Variants in WNT10B observed in about 807,000 individuals in gnomAD.
The protein encoded by WNT10B is protein Wnt-10b.
Under a neutral mutation model 32.7 loss-of-function variants are expected in WNT10B, and 26 were observed. That is an observed-to-expected ratio of 0.79 (90% CI 0.58 to 1.10). The LOEUF (loss-of-function observed/expected upper bound fraction) is 1.10, where lower values mean the gene tolerates loss of function less well. WNT10B is among the 50% of genes least tolerant of loss of function. The pLI is 0.00. For synonymous variants in WNT10B, 204 were observed against 220.4 expected (o/e 0.93, Z 0.66); for missense variants, 474 against 532.5 (o/e 0.89, Z 1.08).
rs747166206 is a variant in WNT10B at position 48,970,399 on chromosome 12, C to G, written c.75-48G>C. On this transcript the variant is annotated intron_variant, in intron 2 of 4. Transcript: ENST00000301061. This position sits in a 1 kb window ranked among gnomAD's most constrained non-coding sequence, Gnocchi z 5.0. ...GGGTCTGCGGTCCAGACCCCTCCAA[C>G]TCTCCCCACCCCGGGTCGGTGTTTC... 6.2e-7 allele frequency: 1 copy of G among 1,614,030 alleles called. No homozygotes were observed. Among genetic ancestry groups the G allele is most frequent in the Non-Finnish European group, 8.5e-7 (1 of 1,179,946 alleles).
Position 48,970,751 on chromosome 12 carries a change from TAAAG to T in WNT10B, c.-40-186_-40-183del. 1.6e-6 allele frequency: 1 copy of T among 608,552 alleles called. No individual in the cohort carries two copies. Among genetic ancestry groups the T allele is most frequent in the Non-Finnish European group, 2.9e-6 (1 of 344,596 alleles). The allele number at this position is 608,552 out of a possible 1,614,324, so 37.7% of individuals were successfully genotyped here. ...CAGAGTCCCTGAGGCTTGGAGGTCT[TAAAG>T]AAGAAGAGTCAAGGCGTTGTCCCAG... On this transcript the variant is annotated intron_variant, in intron 1 of 4. Transcript: ENST00000301061. The surrounding 1 kb of genome is among the most constrained non-coding windows in gnomAD (Gnocchi z 5.0).
intron 3 of WNT10B, chr12:48,969,039 T>G: frequency 2.1e-6 from 1 of 468,634 alleles, no homozygotes; most frequent in Non-Finnish European, 4.4e-6. Flanking sequence ...GGTTGGCTTC[T>G]TTGTTATGTT....
chr12:48,970,037 C>A lies in WNT10B; in HGVS notation c.337+52G>T, dbSNP rs1940817689. On this transcript the variant is annotated intron_variant, in intron 3 of 4. Transcript: ENST00000301061. The surrounding 1 kb of genome is among the most constrained non-coding windows in gnomAD (Gnocchi z 5.0). ...TCCCGCCTCCGCGCGCCTCGCCCTG[C>A]CGCCCACCCCCTAGCCTCCGCGGCA... 2.1e-6 allele frequency: 3 copies of A among 1,398,118 alleles called. No individual in the cohort carries two copies. The highest frequency in any genetic ancestry group is 3.0e-5 in the African/African-American group (2 of 65,726). 86.6% of individuals were successfully genotyped at this position (1,398,118 alleles called of 1,614,324 possible). A position where few individuals can be genotyped will look rare whatever the true frequency, so the allele number is the denominator to read the frequency against.
rs766298912 is a variant in WNT10B at position 48,967,996 on chromosome 12, G to A, written c.661C>T (p.Arg221Trp). 21 of 1,614,076 alleles carry A rather than the reference G, an allele frequency of 1.3e-5. No individual in the cohort carries two copies. The Admixed American group carries it at 1.7e-4, about 13-fold the overall frequency. Residue 221 changes from arginine (R) to tryptophan (W), a missense_variant, in exon 4 of 5, where the codon CGG (arginine) becomes TGG (tryptophan). Transcript: ENST00000301061. Reference protein sequence around the residue: ...RDFLDSREAPRDIQARMRIHN... With the variant: ...RDFLDSREAPWDIQARMRIHN... ...ATTCGCATTCGTGCCTGGATGTCCC[G>A]GGGAGCTTCCCTGGAATCCAAGAAA...
chr12:48,970,073 G>C lies in WNT10B; in HGVS notation c.337+16C>G. The C allele has an allele frequency of 1.3e-6, 2 of 1,502,972 alleles. No homozygotes were observed. Among genetic ancestry groups the C allele is most frequent in the Non-Finnish European group, 1.8e-6 (2 of 1,127,212 alleles). 93.1% of individuals were successfully genotyped at this position (1,502,972 alleles called of 1,614,324 possible). A position where few individuals can be genotyped will look rare whatever the true frequency, so the allele number is the denominator to read the frequency against. On this transcript the variant is annotated intron_variant, in intron 3 of 4. Transcript: ENST00000301061. This position sits in a 1 kb window ranked among gnomAD's most constrained non-coding sequence, Gnocchi z 5.0. The stretch of plus-strand genomic sequence containing the variant: ...CTAGCCTCCGCGGCAGCGCCGACCC[G>C]CCCAGCCAGGCTCACCGCGCTTGAG...
intron 1 of WNT10B, 142 bp downstream of exon 1, chr12:48,971,313 C>T (rs1234703232): frequency 6.6e-6 from 1 of 152,594 alleles, no homozygotes; most frequent in African/African-American, 2.4e-5. Context: ...GTGTCTTTAT[C>T]TCTAGCAATA....
chr12:48,966,720 TC>T (rs1032449314), intron 4 of WNT10B, among the ~76,000 whole-genome samples, 167 bp from the exon 5 acceptor site: 2 of 152,194 alleles, frequency 1.3e-5, no homozygotes. Flanking sequence ...ATAGCCAACT[TC>T]CTCATTTTAT....
chr12:48,968,030 G>A lies in WNT10B; in HGVS notation c.627C>T (p.Phe209=). The stretch of plus-strand genomic sequence containing the variant: ...CCCTGGAATCCAAGAAATCCCGAGA[G>A]AACTTCTCTCCAAAGTCCATGTCAT... ...CNHDMDFGEK[F]SRDFLDSREA... Residue 209 remains phenylalanine, a synonymous_variant, in exon 4 of 5, where the codon TTC becomes TTT. Transcript: ENST00000301061. 4 of 1,614,286 alleles carry A rather than the reference G, an allele frequency of 2.5e-6. No homozygotes were observed. Among genetic ancestry groups the A allele is most frequent in the Non-Finnish European group, 3.4e-6 (4 of 1,180,048 alleles).
At chr12:48,966,796 C>T (rs1228443429) in intron 4 of WNT10B, among the ~76,000 whole-genome samples, 1 of 152,206 alleles carries the variant, frequency 6.6e-6, no homozygotes, top group African/African-American at 2.4e-5. Context: ...AGTAATAGAG[C>T]CAAGACTCAA....
At chr12:48,971,293 T>G (rs1294160201) in intron 1 of WNT10B, among the ~76,000 whole-genome samples, 162 bp downstream of exon 1, 1 of 152,192 alleles carries the variant, frequency 6.6e-6, no homozygotes. Context: ...GGGGCACTCC[T>G]TTATTCTCTG....
In WNT10B at chr12:48,970,699, A is replaced by G; in HGVS notation, c.-40-130T>C. Reference sequence around the variant, plus strand: ...GACCCTTCTCATTCCTCCTCAAACAAAACAAGAAGAAACACCCCTTGATTC... The same window carrying G: ...GACCCTTCTCATTCCTCCTCAAACAGAACAAGAAGAAACACCCCTTGATTC... On this transcript the variant is annotated intron_variant, in intron 1 of 4. Transcript: ENST00000301061. This position sits in a 1 kb window ranked among gnomAD's most constrained non-coding sequence, Gnocchi z 5.0. The G allele has an allele frequency of 1.5e-6, 1 of 657,678 alleles. No individual in the cohort carries two copies. The highest frequency in any genetic ancestry group is 2.6e-6 in the Non-Finnish European group (1 of 377,362). The allele number at this position is 657,678 out of a possible 1,614,324, so 40.7% of individuals were successfully genotyped here. A position where few individuals can be genotyped will look rare whatever the true frequency, so the allele number is the denominator to read the frequency against.
At chr12:48,967,409 C>A (rs966778048) in intron 4 of WNT10B, among the ~76,000 whole-genome samples, 1 of 152,082 alleles carries the variant, frequency 6.6e-6, no homozygotes, top group Non-Finnish European at 1.5e-5. Context: ...CTTGATCCAC[C>A]CGCCTCGGCC....
intron 3 of WNT10B, 105 bp from the exon 4 acceptor site, chr12:48,968,424 A>G (rs1940785390): frequency 6.6e-7 from 1 of 1,524,712 alleles, no homozygotes; most frequent in Non-Finnish European, 8.8e-7. Context: ...GAAATTCCTA[A>G]CTGAATCCTG....
Position 48,966,112 on chromosome 12 carries a change from C to T in WNT10B, c.1153G>A (p.Val385Met). Residue 385 changes from valine to methionine, a missense_variant, in exon 5 of 5, where the codon GTG (valine) becomes ATG (methionine). Physicochemically the swap from Val to Met is conservative, Grantham distance 21 (BLOSUM62 1). Transcript: ENST00000301061. Reference sequence around the variant, plus strand: ...GCTGACCCTCACTTACACACATTCACCCACTCTGTAACCTTGCACTCATCA... The same window carrying T: ...GCTGACCCTCACTTACACACATTCATCCACTCTGTAACCTTGCACTCATCA... Reference protein sequence around the residue: ...LCDECKVTEWVNVCK With the variant: ...LCDECKVTEWMNVCK The T allele has an allele frequency of 3.7e-6, 6 of 1,613,776 alleles. No homozygotes were observed. Among genetic ancestry groups the T allele is most frequent in the South Asian group, 2.2e-5 (2 of 91,088 alleles).
chr12:48,965,931 A>G lies in WNT10B; in HGVS notation c.*164T>C, dbSNP rs888789026. Reference sequence around the variant, plus strand: ...CCAATTGTTGGGGAGAAGGCTACACATCCCAGAGTCCACCTGACCCCCACC... The same window carrying G: ...CCAATTGTTGGGGAGAAGGCTACACGTCCCAGAGTCCACCTGACCCCCACC... On this transcript the variant is annotated 3_prime_UTR_variant, in exon 5 of 5. Coordinates refer to ENST00000301061, the MANE Select transcript of WNT10B (RefSeq NM_003394.4). 2.6e-6 allele frequency: 2 copies of G among 781,108 alleles called. No individual in the cohort carries two copies. Among genetic ancestry groups the G allele is most frequent in the Non-Finnish European group, 4.1e-6 (2 of 485,842 alleles). The allele number at this position is 781,108 out of a possible 1,614,324, so 48.4% of individuals were successfully genotyped here. A position where few individuals can be genotyped will look rare whatever the true frequency, so the allele number is the denominator to read the frequency against.
chr12:48,971,529 GTGGGGAGAC>G lies in WNT10B; in HGVS notation c.-124_-116del, dbSNP rs1473158491. 1 of 152,228 alleles carries G rather than the reference GTGGGGAGAC, an allele frequency of 6.6e-6. No individual in the cohort carries two copies. Among genetic ancestry groups the G allele is most frequent in the Non-Finnish European group, 1.5e-5 (1 of 68,146 alleles). 9.4% of individuals were successfully genotyped at this position (152,228 alleles called of 1,614,324 possible). A position where few individuals can be genotyped will look rare whatever the true frequency, so the allele number is the denominator to read the frequency against. ...GGGCTTCACTAGTGCTGCTTAAACC[GTGGGGAGAC>G]TGCGCTGGGTTCTGTCCCCTTGTCA... On this transcript the variant is annotated 5_prime_UTR_variant, in exon 1 of 5. Coordinates refer to ENST00000301061, the MANE Select transcript of WNT10B (RefSeq NM_003394.4).
chr12:48,969,430 G>A (rs531224775), intron 3 of WNT10B, among the ~76,000 whole-genome samples: 1 of 152,306 alleles, frequency 6.6e-6, no homozygotes, highest in African/African-American at 2.4e-5. Flanking sequence ...ACACCTCAGG[G>A]AGTGAACTCC....
rs1218838856 is a variant in WNT10B at position 48,970,578 on chromosome 12, C to T, written c.-40-9G>A. 6 of 1,548,720 alleles carry T rather than the reference C, an allele frequency of 3.9e-6. No homozygotes were observed. The highest frequency in any genetic ancestry group is 3.5e-4 in the Middle Eastern group (2 of 5,776). ...GGCAGATCGATCAGGACCTGCGGGACGGGAGACTTGATGCGGGTTCAGGAA... is the reference window on the plus strand; with the variant it reads ...GGCAGATCGATCAGGACCTGCGGGATGGGAGACTTGATGCGGGTTCAGGAA... On this transcript the variant is annotated splice_polypyrimidine_tract_variant and intron_variant, in intron 1 of 4. Coordinates refer to ENST00000301061, the MANE Select transcript of WNT10B (RefSeq NM_003394.4). The surrounding 1 kb of genome is among the most constrained non-coding windows in gnomAD (Gnocchi z 5.0).
At chr12:48,966,877 C>T (rs973412770) in intron 4 of WNT10B, among the ~76,000 whole-genome samples, 1 of 152,140 alleles carries the variant, frequency 6.6e-6, no homozygotes, top group Admixed American at 6.5e-5. Context: ...GAGTCTGGCC[C>T]ACAGCATGCC....
Sources: allele counts gnomAD v4.1 joint callset (sites outside exome capture counted in the v4.1 genomes callset), GRCh38; gene constraint gnomAD v4.1.1; non-coding constraint Gnocchi (gnomAD v3.1); transcripts MANE v1.5; gene names NCBI Gene and HGNC (gene_info 2026-07-23, HGNC 2026-07-21).